The following CASZ1 variants were observed in gnomAD, a reference collection of about 807,000 sequenced individuals.
CASZ1 encodes the protein castor zinc finger 1.
A neutral mutation model predicts 135.2 loss-of-function variants in CASZ1; 28 were observed. That is an observed-to-expected ratio of 0.21 (90% CI 0.15 to 0.28). CASZ1 has a LOEUF of 0.28. Among genes scored for constraint, CASZ1 ranks in the 10% least tolerant of loss-of-function variants. The pLI is 1.00. For missense variants in CASZ1, 2,161 were observed against 2,453.3 expected, an observed-to-expected ratio of 0.88 and a Z score of 2.52; for synonymous variants, 1,068 against 1,073.4, an observed-to-expected ratio of 0.99 and a Z score of 0.10.
intron 20 of CASZ1, 77 bp from the exon 21 acceptor site, chr1:10,640,136 C>T: frequency 1.3e-5 from 20 of 1,521,806 alleles, no homozygotes; most frequent in Non-Finnish European, 1.8e-5. Flanking sequence ...CCACATGGGA[C>T]CCCTGATCTG....
intron 1 of CASZ1, among the ~76,000 whole-genome samples, chr1:10,770,002 A>G (rs1271640718): frequency 6.6e-6 from 1 of 152,256 alleles, no homozygotes; most frequent in Non-Finnish European, 1.5e-5. Flanking sequence ...GTGGAAAACC[A>G]GGGATTATAA....
At chr1:10,661,756 TCTCA>T (rs749525446) in intron 5 of CASZ1, among the ~76,000 whole-genome samples, 5 of 137,806 alleles carry the variant, frequency 3.6e-5, no homozygotes, top group African/African-American at 5.6e-5. Context: ...ATTCTCATAC[TCTCA>T]CCCACAGTCA....
At chr1:10,793,188 T>A in intron 1 of CASZ1, among the ~76,000 whole-genome samples, 1 of 151,914 alleles carries the variant, frequency 6.6e-6, no homozygotes, top group East Asian at 1.9e-4. Flanking sequence ...AAACAATAGC[T>A]TTTTTAAAAG....
chr1:10,720,904 A>C lies in CASZ1; in HGVS notation c.-76-15360T>G, dbSNP rs531653162. ...GCCCAGCCAAGGGCTCCAGGACACG[A>C]GGTGGACACCCGACCTCATGCCCTG... is the stretch of plus-strand genomic sequence containing the variant. On this transcript the variant is annotated intron_variant, in intron 2 of 20. Transcript: ENST00000377022. This position sits in a 1 kb window ranked among gnomAD's most constrained non-coding sequence, Gnocchi z 5.7. 6.6e-6 allele frequency among the ~76,000 whole-genome samples: 1 copy of C among 152,300 alleles called. No homozygotes were observed. Among genetic ancestry groups the C allele is most frequent in the South Asian group, 2.1e-4 (1 of 4,828 alleles).
rs1570502843 is a variant in CASZ1 at position 10,704,804 on chromosome 1, T to A, written c.-24+688A>T. On this transcript the variant is annotated intron_variant, in intron 3 of 20. Transcript: ENST00000377022. ...CGGTCACCTCTGACACAGCACTGCC[T>A]GGGGCCCGAGGCCCGGTGGCCCCGC... is the stretch of plus-strand genomic sequence containing the variant. 2.6e-5 allele frequency among the ~76,000 whole-genome samples: 4 copies of A among 152,328 alleles called. 1 individual carries two copies. The highest frequency in any genetic ancestry group is 2.6e-4 in the Admixed American group (4 of 15,304).
chr1:10,668,226 TG>T (rs1160947479), intron 4 of CASZ1, among the ~76,000 whole-genome samples: 1 of 152,148 alleles, frequency 6.6e-6, no homozygotes, highest in African/African-American at 2.4e-5. Context: ...CCCAGGGCCC[TG>T]GGATCCATAG....
In CASZ1 at chr1:10,651,912, A is replaced by C. The variant is rs1642602205; in HGVS notation, c.2681-836T>G. The C allele has an allele frequency of 1.3e-5, 2 of 152,226 alleles. 1 individual carries two copies. The highest frequency in any genetic ancestry group is 4.1e-4 in the South Asian group (2 of 4,832). 9.4% of individuals were successfully genotyped at this position (152,226 alleles called of 1,614,324 possible). A position where few individuals can be genotyped will look rare whatever the true frequency, so the allele number is the denominator to read the frequency against. On this transcript the variant is annotated intron_variant, in intron 11 of 20. Coordinates refer to ENST00000377022, the MANE Select transcript of CASZ1 (RefSeq NM_001079843.3). ...TTCTAATGAAAACAAAGTACTTGAC[A>C]GTCTGGCCACCGAGCCCACGTGGCC...
intron 2 of CASZ1, among the ~76,000 whole-genome samples, chr1:10,734,073 A>C (rs1486650834): frequency 6.6e-6 from 1 of 152,196 alleles, no homozygotes; most frequent in East Asian, 1.9e-4. Flanking sequence ...GAGCGCTGGT[A>C]CATCCCCAGC....
At position 10,676,777 on chromosome 1, in the gene CASZ1, C is replaced by A. The variant is rs1451497843; in HGVS notation, c.17-11206G>T. Among the ~76,000 whole-genome samples, 1 of 152,232 alleles carries A rather than the reference C, an allele frequency of 6.6e-6. No homozygotes were observed. The highest frequency in any genetic ancestry group is 1.5e-5 in the Non-Finnish European group (1 of 68,036). The stretch of plus-strand genomic sequence containing the variant: ...TCCCAGCCACACAGGCCAGCAGGAG[C>A]CTCTGTGAAGCCTGCATGGAGAAGA... On this transcript the variant is annotated intron_variant, in intron 4 of 20. Transcript: ENST00000377022. The surrounding 1 kb of genome is among the most constrained non-coding windows in gnomAD (Gnocchi z 4.5).
chr1:10,779,200 C>T (rs1441136033), intron 1 of CASZ1, among the ~76,000 whole-genome samples: 1 of 151,806 alleles, frequency 6.6e-6, no homozygotes, highest in African/African-American at 2.4e-5. Context: ...TCTTCCCTGC[C>T]TCCCCACCTT....
intron 17 of CASZ1, among the ~76,000 whole-genome samples, chr1:10,645,294 G>C (rs1262149973): frequency 6.6e-6 from 1 of 152,230 alleles, no homozygotes; most frequent in Non-Finnish European, 1.5e-5. Context: ...GCTTTGGGAG[G>C]CCGAGGTGGG....
intron 3 of CASZ1, among the ~76,000 whole-genome samples, chr1:10,703,889 T>C (rs916207072): frequency 6.6e-6 from 1 of 152,352 alleles, no homozygotes; most frequent in Non-Finnish European, 1.5e-5. Flanking sequence ...AATAAAACTT[T>C]ATTTATAAAA....
In CASZ1 at chr1:10,703,764, C is replaced by A. The variant is rs538909560; in HGVS notation, c.-24+1728G>T. Among the ~76,000 whole-genome samples the A allele has an allele frequency of 5.9e-5, 9 of 152,320 alleles. No homozygotes were observed. The East Asian group carries it at 1.2e-3, about 20-fold the overall frequency. On this transcript the variant is annotated intron_variant, in intron 3 of 20. Coordinates refer to ENST00000377022, the MANE Select transcript of CASZ1 (RefSeq NM_001079843.3). ...AAAGGGCCAGAGAGAAAATCATTAA[C>A]CTTTTAGGCTTTGTGAGCCAAACAG...
At chr1:10,660,646 G>A (rs1399276732) in intron 5 of CASZ1, 110 bp from the exon 6 acceptor site, 6 of 772,672 alleles carry the variant, frequency 7.8e-6, no homozygotes, top group Non-Finnish European at 1.1e-5. Flanking sequence ...GTGGGGAGGG[G>A]CGGAGCAGGA....
At chr1:10,672,131 C>A (rs537908706) in intron 4 of CASZ1, among the ~76,000 whole-genome samples, 2 of 152,056 alleles carry the variant, frequency 1.3e-5, no homozygotes, top group Non-Finnish European at 2.9e-5. Flanking sequence ...ACCCGCCCGC[C>A]GCATCTCCCC....
Position 10,701,079 on chromosome 1 carries a change from T to C in CASZ1, c.-24+4413A>G, listed in dbSNP as rs998329574. On this transcript the variant is annotated intron_variant, in intron 3 of 20. Transcript: ENST00000377022. The surrounding 1 kb of genome is among the most constrained non-coding windows in gnomAD (Gnocchi z 6.3). ...CAAGGCCTGGGCTGGTGTCCATGGG[T>C]GTATACCATTGGTGCTTACAAATAT... Among the ~76,000 whole-genome samples the C allele has an allele frequency of 3.9e-5, 6 of 152,144 alleles. No individual in the cohort carries two copies. Among genetic ancestry groups the C allele is most frequent in the African/African-American group, 1.4e-4 (6 of 41,432 alleles).
At chr1:10,673,074 C>T (rs562333592) in intron 4 of CASZ1, among the ~76,000 whole-genome samples, 6 of 150,920 alleles carry the variant, frequency 4.0e-5, no homozygotes, top group East Asian at 3.9e-4. Context: ...GGAAAAGCTC[C>T]GAGGGGGGCG....
Position 10,694,724 on chromosome 1 carries a change from C to T in CASZ1, c.-23-812G>A, listed in dbSNP as rs1020255225. On this transcript the variant is annotated intron_variant, in intron 3 of 20. Coordinates refer to ENST00000377022, the MANE Select transcript of CASZ1 (RefSeq NM_001079843.3). This position sits in a 1 kb window ranked among gnomAD's most constrained non-coding sequence, Gnocchi z 6.6. Reference sequence around the variant, plus strand: ...CCCCGCCGCGCGCGCCCGCGCCGCACTGGCAGGGCGGCCGGCTCCATTGGC... The same window carrying T: ...CCCCGCCGCGCGCGCCCGCGCCGCATTGGCAGGGCGGCCGGCTCCATTGGC... 4.5e-3 allele frequency among the ~76,000 whole-genome samples: 643 copies of T among 144,426 alleles called. 5 individuals are homozygous for T. The highest frequency in any genetic ancestry group is 0.015 in the African/African-American group (604 of 40,362). 94.7% of individuals were successfully genotyped at this position (144,426 alleles called of 152,430 possible). A position where few individuals can be genotyped will look rare whatever the true frequency, so the allele number is the denominator to read the frequency against.
At chr1:10,703,885 A>G (rs1305331625) in intron 3 of CASZ1, among the ~76,000 whole-genome samples, 8 of 152,158 alleles carry the variant, frequency 5.3e-5, no homozygotes, top group Non-Finnish European at 7.3e-5. Flanking sequence ...TTCCAATAAA[A>G]CTTTATTTAT....
Sources: gnomAD v4.1 joint callset for allele counts (sites outside exome capture counted in the v4.1 genomes callset) on GRCh38, gnomAD v4.1.1 for gene constraint, Gnocchi (gnomAD v3.1) non-coding constraint, MANE v1.5 for transcripts, NCBI Gene and HGNC (gene_info 2026-07-23, HGNC 2026-07-21) for gene names.